ZC3H7A: variants seen among roughly 807,000 people sequenced by gnomAD.
The protein encoded by ZC3H7A is zinc finger CCCH domain-containing protein 7A.
A neutral mutation model predicts 125.5 loss-of-function variants in ZC3H7A; 44 were observed. The ratio of observed to expected loss-of-function variants is 0.35; its 90% confidence interval spans 0.28 to 0.45. The LOEUF is 0.45. Ranked by LOEUF, ZC3H7A falls within the 20% of genes least tolerant of loss-of-function variation. ZC3H7A has a pLI of 1.00. For synonymous variants in ZC3H7A, 399 were observed against 391.2 expected, an observed-to-expected ratio of 1.02 and a Z score of -0.23; for missense variants, 977 against 1,170.7, an observed-to-expected ratio of 0.83 and a Z score of 2.41.
At position 11,751,108 on chromosome 16, in the gene ZC3H7A, C is replaced by T; in HGVS notation, c.*209G>A. On this transcript the variant is annotated 3_prime_UTR_variant, in exon 23 of 23. Coordinates refer to ENST00000355758, the MANE Select transcript of ZC3H7A (RefSeq NM_014153.4). The stretch of plus-strand genomic sequence containing the variant: ...ACAGATGGCAACCGGGTAGCAGTCA[C>T]TTCACCATCTGATGCCAGTGGTTCC... 2.0e-6 allele frequency: 1 copy of T among 494,286 alleles called. No homozygotes were observed. The highest frequency in any genetic ancestry group is 3.6e-6 in the Non-Finnish European group (1 of 281,630). The allele number at this position is 494,286 out of a possible 1,614,324, so 30.6% of individuals were successfully genotyped here. A position where few individuals can be genotyped will look rare whatever the true frequency, so the allele number is the denominator to read the frequency against.
At chr16:11,781,533 T>A (rs1180653133) in intron 2 of ZC3H7A, 69 bp from the exon 3 acceptor site, 1 of 1,541,756 alleles carries the variant, frequency 6.5e-7, no homozygotes, top group Non-Finnish European at 8.9e-7. Flanking sequence ...CCAGAAGTCA[T>A]CTTAAATCTG....
chr16:11,752,839 T>A lies in ZC3H7A; in HGVS notation c.2563-7A>T, dbSNP rs374935309. On this transcript the variant is annotated splice_region_variant and splice_polypyrimidine_tract_variant and intron_variant, in intron 21 of 22. Coordinates refer to ENST00000355758, the MANE Select transcript of ZC3H7A (RefSeq NM_014153.4). ...TCCAGCAGTGAAAGTCCACCTAATG[T>A]GCAGCAAAGACACATGTCCCATTAG... 5.7e-5 allele frequency: 92 copies of A among 1,611,414 alleles called. No individual in the cohort carries two copies. The African/African-American group carries it at 8.1e-4, about 14-fold the overall frequency.
In ZC3H7A at chr16:11,767,407, C is replaced by T. The variant is rs746210554; in HGVS notation, c.1522+10G>A. 1.4e-5 allele frequency: 21 copies of T among 1,536,812 alleles called. No individual in the cohort carries two copies. Among genetic ancestry groups the T allele is most frequent in the African/African-American group, 2.8e-5 (2 of 72,512 alleles). On this transcript the variant is annotated intron_variant, in intron 13 of 22. Transcript: ENST00000355758. ...GTAATGTATACTAATTAAGTAATTACAGTACATACCTTTACATATATAATA... is the reference window on the plus strand; with the variant it reads ...GTAATGTATACTAATTAAGTAATTATAGTACATACCTTTACATATATAATA...
Position 11,752,745 on chromosome 16 carries a change from T to C in ZC3H7A, c.2650A>G (p.Lys884Glu). The change falls in exon 22 of 23, where the codon AAG becomes GAG. Residue 884 changes from lysine (K) to glutamate (E), a missense_variant. Lys to Glu is a moderately conservative substitution (Grantham distance 56). Around this residue, in one of 3 missense-constraint regions of ZC3H7A, gnomAD observed 436 missense variants for 603.2 expected, o/e 0.72. Coordinates refer to ENST00000355758, the MANE Select transcript of ZC3H7A (RefSeq NM_014153.4). ...GHISSEKHKE[K>E]VFHTEDDQYC... Reference sequence around the variant, plus strand: ...TGGTCGTCCTCGGTGTGGAAAACCTTCTCTTTGTGCTTCTCGGAGGAGATG... The same window carrying C: ...TGGTCGTCCTCGGTGTGGAAAACCTCCTCTTTGTGCTTCTCGGAGGAGATG... 1 of 1,614,072 alleles carries C rather than the reference T, an allele frequency of 6.2e-7. No homozygotes were observed. The highest frequency in any genetic ancestry group is 8.5e-7 in the Non-Finnish European group (1 of 1,179,986).
At chr16:11,763,113 G>GT (rs762463810) in intron 16 of ZC3H7A, 10,773 of 187,196 alleles carry the variant, frequency 0.058, 8 homozygotes, top group South Asian at 0.1. Context: ...ATTCCTTTTT[G>GT]TTTTTTTTTT....
intron 1 of ZC3H7A, 67 bp downstream of exon 1, chr16:11,797,057 C>CGG (rs1226453362): frequency 2.2e-4 from 29 of 133,032 alleles, no homozygotes; most frequent in Non-Finnish European, 3.5e-4. Flanking sequence ...CGGCGGCGCG[C>CGG]GCGGGGGGGG....
In ZC3H7A at chr16:11,767,509, C is replaced by T; in HGVS notation, c.1430G>A (p.Gly477Asp). The T allele has an allele frequency of 6.2e-7, 1 of 1,612,142 alleles. No individual in the cohort carries two copies. Among genetic ancestry groups the T allele is most frequent in the Non-Finnish European group, 8.5e-7 (1 of 1,178,916 alleles). Residue 477 changes from glycine to aspartate, a missense_variant, in exon 13 of 23, where the codon GGT (glycine) becomes GAT (aspartate). Gly to Asp is a moderately conservative substitution (Grantham distance 94). This residue lies in a region of ZC3H7A where 342 missense variants were observed against 311.3 expected (regional missense o/e 1.10). Transcript: ENST00000355758. ...TTTATCTTCAACATTCTTTATCCTA[C>T]CGATTAAAATATCTTTCTTACACTT... is the stretch of plus-strand genomic sequence containing the variant. Reference protein sequence around the residue: ...DHKCKKDILIGRIKNVEDKSW... With the variant: ...DHKCKKDILIDRIKNVEDKSW...
At position 11,756,368 on chromosome 16, in the gene ZC3H7A, G is replaced by A; in HGVS notation, c.2431C>T (p.Gln811Ter). ...AGTTCGTAAAATTGCTCCATATCTTGTACTAAAGAAAAATGAATTACTTTC... is the reference window on the plus strand; with the variant it reads ...AGTTCGTAAAATTGCTCCATATCTTATACTAAAGAAAAATGAATTACTTTC... ...VWTYMKENGIQDMEQFYELWL... is the reference protein window; with the variant it reads ...VWTYMKENGI Residue 811 changes from glutamine (Q) to a stop codon, truncating the protein, a stop_gained and splice_region_variant, in exon 21 of 23, where the codon CAA becomes TAA. Coordinates refer to ENST00000355758, the MANE Select transcript of ZC3H7A (RefSeq NM_014153.4). LOFTEE classifies it high-confidence loss of function. 1 of 1,607,036 alleles carries A rather than the reference G, an allele frequency of 6.2e-7. No individual in the cohort carries two copies. The highest frequency in any genetic ancestry group is 8.5e-7 in the Non-Finnish European group (1 of 1,178,258).
chr16:11,794,946 GAAGA>G (rs983389005), intron 1 of ZC3H7A, among the ~76,000 whole-genome samples: 15 of 152,196 alleles, frequency 9.9e-5, no homozygotes, highest in African/African-American at 2.2e-4. Flanking sequence ...ACAGTAACAT[GAAGA>G]AAGGCAGGAA....
chr16:11,774,694 CCTT>C (rs1335903052), intron 8 of ZC3H7A, among the ~76,000 whole-genome samples, 175 bp from the exon 9 acceptor site: 1 of 152,176 alleles, frequency 6.6e-6, no homozygotes, highest in African/African-American at 2.4e-5. Flanking sequence ...GAAAACTTAT[CCTT>C]CTTTCACAAA....
At chr16:11,763,262 C>CA in intron 16 of ZC3H7A, 1 of 368,082 alleles carries the variant, frequency 2.7e-6, no homozygotes, top group East Asian at 4.6e-5. Flanking sequence ...CGCCCACCAC[C>CA]ACGCCCGATT....
intron 12 of ZC3H7A, 49 bp downstream of exon 12, chr16:11,768,266 G>T: frequency 1.5e-6 from 2 of 1,376,564 alleles, no homozygotes; most frequent in Non-Finnish European, 1.9e-6. Context: ...AACTTTCAAG[G>T]TTATGAGCAA....
Position 11,765,075 on chromosome 16 carries a change from T to C in ZC3H7A, c.1798A>G (p.Lys600Glu). The C allele has an allele frequency of 6.3e-7, 1 of 1,586,938 alleles. No homozygotes were observed. The highest frequency in any genetic ancestry group is 8.6e-7 in the Non-Finnish European group (1 of 1,168,086). ...TACTTATTGTCTTCAAACTCATGCTTTGTAACCGGGTGAGAACAAGCAGTA... is the reference window on the plus strand; with the variant it reads ...TACTTATTGTCTTCAAACTCATGCTCTGTAACCGGGTGAGAACAAGCAGTA... Reference protein sequence around the residue: ...NSTACSHPVTKHEFEDNKCLV... With the variant: ...NSTACSHPVTEHEFEDNKCLV... The change falls in exon 15 of 23, where the codon AAG becomes GAG. Residue 600 changes from lysine (K) to glutamate (E), a missense_variant. Physicochemically the swap from Lys to Glu is moderately conservative, Grantham distance 56 (BLOSUM62 1). This residue lies in a region of ZC3H7A where 436 missense variants were observed against 603.2 expected (regional missense o/e 0.72). Coordinates refer to ENST00000355758, the MANE Select transcript of ZC3H7A (RefSeq NM_014153.4). The surrounding 1 kb of genome is among the most constrained non-coding windows in gnomAD (Gnocchi z 4.8).
rs114842192 is a variant in ZC3H7A at position 11,782,839 on chromosome 16, T to G, written c.-34-451A>C. The G allele has an allele frequency of 9.4e-3, 1,472 of 156,722 alleles. 20 individuals are homozygous for G. The highest frequency in any genetic ancestry group is 0.034 in the African/African-American group (1,396 of 41,582). The allele number at this position is 156,722 out of a possible 1,614,324, so 9.7% of individuals were successfully genotyped here. A position where few individuals can be genotyped will look rare whatever the true frequency, so the allele number is the denominator to read the frequency against. ...CTTACTGGTCAAGCTGGTCTCGAACTCGTGACCTCAAGTGATCCACCTACC... is the reference window on the plus strand; with the variant it reads ...CTTACTGGTCAAGCTGGTCTCGAACGCGTGACCTCAAGTGATCCACCTACC... On this transcript the variant is annotated intron_variant, in intron 1 of 22. Coordinates refer to ENST00000355758, the MANE Select transcript of ZC3H7A (RefSeq NM_014153.4).
Position 11,755,871 on chromosome 16 carries a change from A to T in ZC3H7A, c.2562+366T>A, listed in dbSNP as rs574098448. The stretch of plus-strand genomic sequence containing the variant: ...GGAGCCGGGTTTTGGAGAAGATGGG[A>T]AAGAAAAGAAAGGCCGGGCATGGTG... On this transcript the variant is annotated intron_variant, in intron 21 of 22. Transcript: ENST00000355758. 3.1e-4 allele frequency among the ~76,000 whole-genome samples: 47 copies of T among 152,218 alleles called. 1 individual carries two copies. The South Asian group carries it at 5.2e-3, about 17-fold the overall frequency.
intron 21 of ZC3H7A, among the ~76,000 whole-genome samples, chr16:11,755,081 C>CGA: frequency 6.7e-6 from 1 of 150,022 alleles, no homozygotes; most frequent in Non-Finnish European, 1.5e-5. Flanking sequence ...TGGTGGCAGG[C>CGA]GCCTATAATC....
chr16:11,760,409 T>G (rs2052734018), intron 19 of ZC3H7A, among the ~76,000 whole-genome samples: 1 of 152,144 alleles, frequency 6.6e-6, no homozygotes, highest in African/African-American at 2.4e-5. Context: ...AACCCATTAA[T>G]AAAATCTGAG....
intron 1 of ZC3H7A, among the ~76,000 whole-genome samples, chr16:11,785,540 G>A (rs1317096737): frequency 1.3e-5 from 2 of 151,262 alleles, no homozygotes; most frequent in African/African-American, 4.9e-5. Flanking sequence ...CTAACCCAGT[G>A]TCTATCAAAA....
At chr16:11,769,806 T>A (rs1161334402) in intron 10 of ZC3H7A, among the ~76,000 whole-genome samples, 1 of 117,890 alleles carries the variant, frequency 8.5e-6, no homozygotes, top group Non-Finnish European at 1.8e-5. Context: ...TTTTTTTTTT[T>A]TGAGAAAGGG....
Sources: gnomAD v4.1 joint callset for allele counts (sites outside exome capture counted in the v4.1 genomes callset) on GRCh38, gnomAD v4.1.1 for gene constraint, gnomAD v4.1.1 regional missense constraint, Gnocchi (gnomAD v3.1) non-coding constraint, MANE v1.5 for transcripts, NCBI Gene and HGNC (gene_info 2026-07-23, HGNC 2026-07-21) for gene names.